Variants in TANC2 observed in about 807,000 individuals in gnomAD.
TANC2 encodes protein TANC2.
A neutral mutation model predicts 210.5 loss-of-function variants in TANC2; 26 were observed. That is an observed-to-expected ratio of 0.12 (90% CI 0.09 to 0.17). TANC2 has a LOEUF of 0.17. Among genes scored for constraint, TANC2 ranks in the 10% least tolerant of loss-of-function variants. The pLI is 1.00. For synonymous variants in TANC2, 931 were observed against 967.1 expected (o/e 0.96, Z 0.69); for missense variants, 2,129 against 2,608.9 (o/e 0.82, Z 4.01).
rs140197261 is a variant in TANC2 at position 63,068,771 on chromosome 17, G to T, written c.68-5172G>T. Among the ~76,000 whole-genome samples, 407 of 147,176 alleles carry T rather than the reference G, an allele frequency of 2.8e-3. 3 individuals are homozygous for T. The highest frequency in any genetic ancestry group is 4.5e-3 in the Non-Finnish European group (304 of 67,430). ...AAAACATGCATGTTTTTATTCTAGA[G>T]TTAAAATGAATTCTAGAGTTAAAAT... On this transcript the variant is annotated intron_variant, in intron 2 of 27. Coordinates refer to ENST00000689528, the Ensembl canonical transcript of TANC2.
chr17:63,084,797 T>C (rs1385241137), intron 3 of TANC2, among the ~76,000 whole-genome samples: 1 of 152,194 alleles, frequency 6.6e-6, no homozygotes, highest in Non-Finnish European at 1.5e-5. Flanking sequence ...GCTATCTTTC[T>C]GTTATTGATT....
intron 5 of TANC2, chr17:63,182,145 G>A (rs1441051280): frequency 6.5e-6 from 1 of 153,478 alleles, no homozygotes; most frequent in Non-Finnish European, 1.4e-5. Context: ...CCTCCAGCCT[G>A]TTCCTACAAT....
chr17:63,164,777 A>G (rs1297899446), intron 5 of TANC2, among the ~76,000 whole-genome samples: 1 of 152,192 alleles, frequency 6.6e-6, no homozygotes, highest in Admixed American at 6.5e-5. Context: ...TCAAGCAGAG[A>G]AAGCAAATTC....
chr17:63,350,770 C>G (rs1318461568), intron 12 of TANC2, among the ~76,000 whole-genome samples: 1 of 151,744 alleles, frequency 6.6e-6, no homozygotes, highest in Non-Finnish European at 1.5e-5. Flanking sequence ...TTCACATTCA[C>G]ATGCAGTCCT....
At chr17:63,019,027 A>C (rs2034235906) in intron 2 of TANC2, among the ~76,000 whole-genome samples, 1 of 152,164 alleles carries the variant, frequency 6.6e-6, no homozygotes, top group African/African-American at 2.4e-5. Flanking sequence ...GGTTTTGTAT[A>C]AACATAATTT....
intron 1 of TANC2, among the ~76,000 whole-genome samples, chr17:62,996,745 ATTAT>A (rs2033127392): frequency 6.7e-6 from 1 of 150,338 alleles, no homozygotes; most frequent in Admixed American, 6.6e-5. Context: ...TTTTTTTGAG[ATTAT>A]TTGTGATTGT....
At chr17:63,043,636 A>G (rs967498132) in intron 2 of TANC2, among the ~76,000 whole-genome samples, 2 of 152,156 alleles carry the variant, frequency 1.3e-5, no homozygotes, top group Non-Finnish European at 1.5e-5. Flanking sequence ...AGCATTCAAC[A>G]GTATCTTTAG....
At chr17:63,116,750 C>T (rs531290717) in intron 4 of TANC2, among the ~76,000 whole-genome samples, 1 of 152,242 alleles carries the variant, frequency 6.6e-6, no homozygotes, top group African/African-American at 2.4e-5. Context: ...TTTAATATCT[C>T]TAAGTATTTA....
exon 7 of TANC2, chr17:63,200,875 A>C: frequency 6.2e-7 from 1 of 1,613,870 alleles, no homozygotes; most frequent in Middle Eastern, 1.7e-4. Context: ...CCATCAGTAC[A>C]AATGCAACTG....
At position 63,190,431 on chromosome 17, in the gene TANC2, A is replaced by T. The variant is rs966901105; in HGVS notation, c.434-3560A>T. 2.0e-5 allele frequency among the ~76,000 whole-genome samples: 3 copies of T among 152,202 alleles called. No individual in the cohort carries two copies. In the East Asian group the frequency reaches 5.8e-4, roughly 29 times the overall value. ...TGGTCTATTCTGATGCCAGTACCAT[A>T]CTGCCTTGATTAATGTTGCGTTGTA... is the stretch of plus-strand genomic sequence containing the variant. On this transcript the variant is annotated intron_variant, in intron 5 of 27. Transcript: ENST00000689528.
intron 3 of TANC2, among the ~76,000 whole-genome samples, chr17:63,092,202 G>A (rs1019214041): frequency 2.6e-5 from 4 of 152,032 alleles, no homozygotes; most frequent in Admixed American, 6.6e-5. Flanking sequence ...TTTGTGTGTG[G>A]GAGGAGGGAC....
At chr17:62,995,492 A>G (rs1487921612) in intron 1 of TANC2, among the ~76,000 whole-genome samples, 5 of 152,254 alleles carry the variant, frequency 3.3e-5, no homozygotes, top group Non-Finnish European at 7.3e-5. Context: ...ACACTGGGTC[A>G]GCTAGCTCCC....
chr17:63,366,617 A>T (rs1269053488), intron 14 of TANC2, among the ~76,000 whole-genome samples: 2 of 152,230 alleles, frequency 1.3e-5, no homozygotes, highest in Non-Finnish European at 2.9e-5. Context: ...GGCAGTAGGA[A>T]GATGTGAGGC....
chr17:63,189,588 A>G (rs771844100), intron 5 of TANC2, among the ~76,000 whole-genome samples: 2 of 152,056 alleles, frequency 1.3e-5, no homozygotes, highest in Admixed American at 6.6e-5. Flanking sequence ...TATTTTGCCT[A>G]TGTTCTAATT....
At chr17:63,222,832 T>G (rs1051073472) in intron 7 of TANC2, among the ~76,000 whole-genome samples, 3 of 152,032 alleles carry the variant, frequency 2.0e-5, no homozygotes, top group African/African-American at 7.3e-5. Flanking sequence ...AGATACTACA[T>G]GAATGTTCCC....
At chr17:63,120,322 T>G (rs1405040153) in intron 4 of TANC2, among the ~76,000 whole-genome samples, 3 of 152,244 alleles carry the variant, frequency 2.0e-5, no homozygotes, top group African/African-American at 7.2e-5. Flanking sequence ...ATCCCTATTA[T>G]GCTGATTTGG....
rs190089730 is a variant in TANC2, at chr17:62,992,360, G to A, written c.-23-17177G>A. Among the ~76,000 whole-genome samples the A allele has an allele frequency of 3.5e-4, 53 of 152,312 alleles. 1 individual carries two copies. Among genetic ancestry groups the A allele is most frequent in the Non-Finnish European group, 7.1e-4 (48 of 68,024 alleles). ...CCTTGCATAGCCATGGCCCATCCCA[G>A]TGTAATAGTTCTTATGTGATATGTT... is the stretch of plus-strand genomic sequence containing the variant. On this transcript the variant is annotated intron_variant, in intron 1 of 27. Coordinates refer to ENST00000689528, the Ensembl canonical transcript of TANC2.
intron 8 of TANC2, among the ~76,000 whole-genome samples, chr17:63,263,603 T>C (rs2043434199): frequency 6.6e-6 from 1 of 152,178 alleles, no homozygotes; most frequent in Admixed American, 6.5e-5. Context: ...GATTCTACCT[T>C]TTAAACCAAA....
chr17:63,146,966 C>T lies in TANC2; in HGVS notation c.323-4304C>T, dbSNP rs1027996745. Reference sequence around the variant, plus strand: ...GGTTAATACTTTATAACTTAGGACTCTTTAAAAAACAGCAACAACAACAAC... The same window carrying T: ...GGTTAATACTTTATAACTTAGGACTTTTTAAAAAACAGCAACAACAACAAC... On this transcript the variant is annotated intron_variant, in intron 4 of 27. Transcript: ENST00000689528. Among the ~76,000 whole-genome samples, 6 of 152,054 alleles carry T rather than the reference C, an allele frequency of 3.9e-5. No homozygotes were observed. In the South Asian group the frequency reaches 1.2e-3, roughly 32 times the overall value.
Sources: gnomAD v4.1 joint callset for allele counts (sites outside exome capture counted in the v4.1 genomes callset) on GRCh38, gnomAD v4.1.1 for gene constraint, MANE v1.5 for transcripts, NCBI Gene and HGNC (gene_info 2026-07-23, HGNC 2026-07-21) for gene names.